The following TRPM3 variants were observed in gnomAD, a reference collection of about 807,000 sequenced individuals.
TRPM3 encodes long transient receptor potential channel 3.
A neutral mutation model predicts 181.2 loss-of-function variants in TRPM3; 77 were observed. The observed-to-expected ratio is 0.42, with a 90% CI of 0.35 to 0.51. The LOEUF is 0.51. TRPM3 is among the 20% of genes least tolerant of loss of function. TRPM3 has a pLI of 0.01. For missense variants in TRPM3, 1,759 were observed against 2,196.7 expected (o/e 0.80, Z 3.98); for synonymous variants, 745 against 796.4 (o/e 0.94, Z 1.09).
At chr9:70,668,412 C>A (rs1009350801) in intron 9 of TRPM3, among the ~76,000 whole-genome samples, 3 of 152,090 alleles carry the variant, frequency 2.0e-5, no homozygotes, top group Admixed American at 6.5e-5. Context: ...CGCCTGTAAT[C>A]CCAGCACTTT....
chr9:70,621,219 A>C, intron 15 of TRPM3, 25 bp downstream of exon 15: 1 of 1,564,126 alleles, frequency 6.4e-7, no homozygotes. Flanking sequence ...AATCATTGAC[A>C]CTAATAATTT....
intron 1 of TRPM3, among the ~76,000 whole-genome samples, chr9:71,379,187 A>G (rs938360484): frequency 6.6e-6 from 1 of 152,032 alleles, no homozygotes; most frequent in Admixed American, 6.6e-5. Context: ...ATATTAGGAA[A>G]ATATAAACGC....
At chr9:71,281,787 T>C (rs2084727807) in intron 1 of TRPM3, among the ~76,000 whole-genome samples, 1 of 152,090 alleles carries the variant, frequency 6.6e-6, no homozygotes, top group Non-Finnish European at 1.5e-5. Flanking sequence ...TGTGGCCAGG[T>C]GCGGTGGATC....
chr9:71,233,873 G>C lies in TRPM3; in HGVS notation c.183+212780C>G, dbSNP rs191512324. Among the ~76,000 whole-genome samples, 5 of 152,290 alleles carry C rather than the reference G, an allele frequency of 3.3e-5. No individual in the cohort carries two copies. The East Asian group carries it at 9.6e-4, about 29-fold the overall frequency. ...TAATCAGACTGAATAAAATCCGGTTGACCTACTTTCAAATTCACCAGAAGG... is the reference window on the plus strand; with the variant it reads ...TAATCAGACTGAATAAAATCCGGTTCACCTACTTTCAAATTCACCAGAAGG... On this transcript the variant is annotated intron_variant, in intron 1 of 24. Coordinates refer to the TRPM3 transcript ENST00000357533.
At chr9:71,383,905 C>T (rs1409438835) in intron 1 of TRPM3, among the ~76,000 whole-genome samples, 1 of 152,170 alleles carries the variant, frequency 6.6e-6, no homozygotes, top group Non-Finnish European at 1.5e-5. Flanking sequence ...ACACAAAACA[C>T]TAAAGGAATG....
At chr9:71,022,623 A>G (rs1157628513) in intron 1 of TRPM3, among the ~76,000 whole-genome samples, 3 of 152,108 alleles carry the variant, frequency 2.0e-5, no homozygotes, top group Non-Finnish European at 2.9e-5. Flanking sequence ...TTTTGAGCGT[A>G]GGAGTTTAAG....
At chr9:71,257,564 GC>G (rs1040120402) in intron 1 of TRPM3, among the ~76,000 whole-genome samples, 1 of 152,134 alleles carries the variant, frequency 6.6e-6, no homozygotes. Context: ...AAATAGCAAA[GC>G]ACGGGCCTGA....
intron 1 of TRPM3, among the ~76,000 whole-genome samples, chr9:71,316,175 A>T (rs916275765): frequency 2.0e-5 from 3 of 152,182 alleles, no homozygotes; most frequent in African/African-American, 7.2e-5. Context: ...CTATGTGCAA[A>T]GTGTGGCAAC....
chr9:70,756,813 A>T (rs1396101425), intron 8 of TRPM3, among the ~76,000 whole-genome samples: 1 of 152,202 alleles, frequency 6.6e-6, no homozygotes, highest in Non-Finnish European at 1.5e-5. Context: ...AACGTACCAG[A>T]ATCTCTGGGA....
At chr9:70,964,387 A>G (rs2097166070) in intron 1 of TRPM3, among the ~76,000 whole-genome samples, 1 of 152,062 alleles carries the variant, frequency 6.6e-6, no homozygotes, top group Non-Finnish European at 1.5e-5. Flanking sequence ...AAACTATGAG[A>G]CATTTTGGTA....
At chr9:70,592,699 G>A (rs10868857) in intron 21 of TRPM3, among the ~76,000 whole-genome samples, 5 of 152,054 alleles carry the variant, frequency 3.3e-5, no homozygotes, top group South Asian at 2.1e-4. Flanking sequence ...GATAATGGAG[G>A]CTTCAAATTA....
intron 1 of TRPM3, among the ~76,000 whole-genome samples, chr9:70,893,767 A>G (rs1027428454): frequency 6.6e-6 from 1 of 152,228 alleles, no homozygotes; most frequent in African/African-American, 2.4e-5. Flanking sequence ...CAGAGTGAAT[A>G]AGATTAATAT....
intron 1 of TRPM3, among the ~76,000 whole-genome samples, chr9:71,217,014 G>T (rs951605815): frequency 7.7e-6 from 1 of 130,632 alleles, no homozygotes; most frequent in African/African-American, 2.9e-5. Context: ...GCAGTGGCGC[G>T]ATCTCGGCTC....
chr9:71,097,063 G>A (rs750751622), intron 1 of TRPM3, among the ~76,000 whole-genome samples: 1 of 152,072 alleles, frequency 6.6e-6, no homozygotes, highest in Non-Finnish European at 1.5e-5. Context: ...GGTTTCCTAT[G>A]TCCTTCCCGA....
intron 8 of TRPM3, among the ~76,000 whole-genome samples, chr9:70,752,075 C>T (rs1232982236): frequency 6.7e-6 from 1 of 148,400 alleles, no homozygotes; most frequent in Admixed American, 6.8e-5. Context: ...TACACATGTA[C>T]ATGCAACCTG....
chr9:71,213,020 T>C (rs2079605882), intron 1 of TRPM3, among the ~76,000 whole-genome samples: 1 of 152,178 alleles, frequency 6.6e-6, no homozygotes, highest in African/African-American at 2.4e-5. Context: ...ATCAGATATA[T>C]AAGAGCAGTG....
intron 3 of TRPM3, among the ~76,000 whole-genome samples, chr9:70,846,815 T>A (rs1373243011): frequency 6.6e-6 from 1 of 152,218 alleles, no homozygotes; most frequent in Non-Finnish European, 1.5e-5. Flanking sequence ...ATTCTGAAAT[T>A]ATTAGATTTT....
chr9:71,405,209 T>C (rs545189959), intron 1 of TRPM3, among the ~76,000 whole-genome samples: 3 of 152,316 alleles, frequency 2.0e-5, no homozygotes, highest in East Asian at 1.9e-4. Flanking sequence ...GTGTAACATA[T>C]AAAAACAACT....
intron 1 of TRPM3, among the ~76,000 whole-genome samples, chr9:71,128,338 T>C (rs919973989): frequency 1.3e-5 from 2 of 152,154 alleles, no homozygotes; most frequent in Non-Finnish European, 2.9e-5. Context: ...TACCAAAAAA[T>C]GTATAACAGA....
Sources: allele counts gnomAD v4.1 joint callset (sites outside exome capture counted in the v4.1 genomes callset), GRCh38; gene constraint gnomAD v4.1.1; transcripts MANE v1.5; gene names NCBI Gene and HGNC (gene_info 2026-07-23, HGNC 2026-07-21).